CHRM3: variants seen among roughly 807,000 people sequenced by gnomAD.
The protein encoded by CHRM3 is muscarinic acetylcholine receptor M3.
A neutral mutation model predicts 41.8 loss-of-function variants in CHRM3; 11 were observed. That is an observed-to-expected ratio of 0.26 (90% CI 0.17 to 0.44). The LOEUF (loss-of-function observed/expected upper bound fraction) is 0.44, where lower values mean the gene tolerates loss of function less well. CHRM3 is among the 20% of genes least tolerant of loss of function. The probability of loss-of-function intolerance (pLI) is 1.00; values close to 1 mark genes in which losing one functional copy is unlikely to be tolerated. For missense variants in CHRM3, 571 were observed against 745.4 expected (o/e 0.77, Z 2.72); for synonymous variants, 297 against 301.4 (o/e 0.99, Z 0.15).
At chr1:239,854,397 C>A (rs527521216) in intron 6 of CHRM3, among the ~76,000 whole-genome samples, 42 of 152,118 alleles carry the variant, frequency 2.8e-4, no homozygotes, top group Non-Finnish European at 1.0e-4. Flanking sequence ...ACAACAACAA[C>A]AAAAAACAAT....
intron 6 of CHRM3, among the ~76,000 whole-genome samples, chr1:239,828,926 G>C (rs1672681927): frequency 6.6e-6 from 1 of 152,082 alleles, no homozygotes; most frequent in Non-Finnish European, 1.5e-5. Flanking sequence ...ACTAAGATTT[G>C]GGGCAAATTT....
intron 6 of CHRM3, among the ~76,000 whole-genome samples, chr1:239,854,448 A>G (rs551910457): frequency 6.6e-6 from 1 of 152,252 alleles, no homozygotes; most frequent in East Asian, 1.9e-4. Context: ...CAAAGAAATG[A>G]CTAGGAACAA....
chr1:239,708,359 CAGG>C (rs1339117527), intron 5 of CHRM3, among the ~76,000 whole-genome samples: 4 of 152,172 alleles, frequency 2.6e-5, no homozygotes, highest in Admixed American at 1.3e-4. Flanking sequence ...CAGATGATTG[CAGG>C]AGACTTCCAA....
intron 5 of CHRM3, among the ~76,000 whole-genome samples, chr1:239,766,078 T>C (rs759370718): frequency 2.0e-5 from 3 of 152,142 alleles, no homozygotes; most frequent in Admixed American, 6.5e-5. Context: ...TCTCCCAAAG[T>C]GCTGGGATTA....
At chr1:239,635,261 A>T (rs977898628) in intron 4 of CHRM3, among the ~76,000 whole-genome samples, 2 of 152,134 alleles carry the variant, frequency 1.3e-5, no homozygotes, top group African/African-American at 4.8e-5. Flanking sequence ...CCTCCATCAG[A>T]TCTTGTTATT....
At chr1:239,555,812 G>A (rs552549340) in intron 3 of CHRM3, among the ~76,000 whole-genome samples, 4 of 152,162 alleles carry the variant, frequency 2.6e-5, no homozygotes, top group Non-Finnish European at 4.4e-5. Flanking sequence ...CCTACCACCA[G>A]CTTGCCCTTG....
chr1:239,690,447 T>A (rs1302262946), intron 5 of CHRM3, among the ~76,000 whole-genome samples: 1 of 151,972 alleles, frequency 6.6e-6, no homozygotes, highest in Non-Finnish European at 1.5e-5. Flanking sequence ...GCCAGGATGG[T>A]CTCGATCTCC....
intron 2 of CHRM3, among the ~76,000 whole-genome samples, chr1:239,545,221 A>G (rs1404412961): frequency 6.6e-6 from 1 of 152,190 alleles, no homozygotes; most frequent in African/African-American, 2.4e-5. Flanking sequence ...TATACTTCAC[A>G]TTGTGTGCAA....
intron 1 of CHRM3, among the ~76,000 whole-genome samples, chr1:239,439,718 T>G (rs192910085): frequency 8.8e-4 from 134 of 152,330 alleles, no homozygotes; most frequent in Non-Finnish European, 1.5e-3. Flanking sequence ...TTATGGTCAT[T>G]GCATATCATT....
intron 1 of CHRM3, among the ~76,000 whole-genome samples, chr1:239,414,470 TTTTCAA>T (rs1661344147): frequency 6.6e-6 from 1 of 152,254 alleles, no homozygotes; most frequent in African/African-American, 2.4e-5. Context: ...TCCTCCAGCC[TTTTCAA>T]TTTGTCTGCG....
At chr1:239,674,563 A>C (rs960266130) in intron 4 of CHRM3, among the ~76,000 whole-genome samples, 1 of 152,006 alleles carries the variant, frequency 6.6e-6, no homozygotes, top group Non-Finnish European at 1.5e-5. Flanking sequence ...CAAAAAAATT[A>C]GCTGGGCTTG....
At chr1:239,540,475 A>T (rs532443007) in intron 2 of CHRM3, among the ~76,000 whole-genome samples, 1 of 152,348 alleles carries the variant, frequency 6.6e-6, no homozygotes, top group Non-Finnish European at 1.5e-5. Flanking sequence ...AACAACAGTA[A>T]TTTATTATCT....
intron 3 of CHRM3, among the ~76,000 whole-genome samples, chr1:239,566,333 A>C (rs1661361502): frequency 6.6e-6 from 1 of 152,186 alleles, no homozygotes; most frequent in Admixed American, 6.5e-5. Flanking sequence ...AGTTTAAGTG[A>C]ATTACCAATG....
intron 6 of CHRM3, among the ~76,000 whole-genome samples, chr1:239,884,608 T>G (rs983309707): frequency 1.1e-4 from 16 of 152,228 alleles, no homozygotes; most frequent in African/African-American, 3.9e-4. Context: ...TTTTTGAGAC[T>G]GATTTGGTTC....
At chr1:239,821,125 A>G (rs879806601) in intron 5 of CHRM3, among the ~76,000 whole-genome samples, 1 of 152,196 alleles carries the variant, frequency 6.6e-6, no homozygotes, top group South Asian at 2.1e-4. Context: ...TTCAGTGGCC[A>G]TCCCAAAGCT....
intron 2 of CHRM3, among the ~76,000 whole-genome samples, chr1:239,532,158 G>C (rs1657659262): frequency 6.9e-6 from 1 of 145,210 alleles, no homozygotes; most frequent in Non-Finnish European, 1.5e-5. Flanking sequence ...GACTACAGGC[G>C]CTGCCACCAC....
intron 2 of CHRM3, among the ~76,000 whole-genome samples, chr1:239,494,035 T>C (rs1558265194): frequency 6.6e-6 from 1 of 152,224 alleles, no homozygotes; most frequent in Non-Finnish European, 1.5e-5. Context: ...GTATGGGCTC[T>C]TGGCAACTGT....
At chr1:239,545,834 G>A (rs184271720) in intron 3 of CHRM3, 85 bp downstream of exon 3, 2 of 152,212 alleles carry the variant, frequency 1.3e-5, no homozygotes, top group African/African-American at 4.8e-5. Flanking sequence ...TGAAAAATGT[G>A]TAAAACACAT....
At chr1:239,388,843 T>C (rs1479067141) in intron 1 of CHRM3, among the ~76,000 whole-genome samples, 2 of 152,252 alleles carry the variant, frequency 1.3e-5, no homozygotes, top group Non-Finnish European at 2.9e-5. Flanking sequence ...AGTCTATCTT[T>C]AGATTTTGTT....
Sources: allele counts gnomAD v4.1 joint callset (sites outside exome capture counted in the v4.1 genomes callset), GRCh38; gene constraint gnomAD v4.1.1; transcripts MANE v1.5; gene names NCBI Gene and HGNC (gene_info 2026-07-23, HGNC 2026-07-21).